Variants in EXD2 observed in about 807,000 individuals in gnomAD.
EXD2 encodes exonuclease 3'-5' domain-containing protein 2.
EXD2 carries 40 observed loss-of-function variants against 62.5 expected under a neutral mutation model. The ratio of observed to expected loss-of-function variants is 0.64; its 90% CI spans 0.50 to 0.83. The LOEUF (loss-of-function observed/expected upper bound fraction) is 0.83. EXD2 is among the 40% of genes least tolerant of loss of function. The pLI is 0.00. For synonymous variants in EXD2, 239 were observed against 291.9 expected (o/e 0.82, Z 1.85); for missense variants, 671 against 761.8 (o/e 0.88, Z 1.40).
intron 8 of EXD2, 54 bp downstream of exon 8, chr14:69,236,596 T>G: frequency 6.2e-7 from 1 of 1,612,324 alleles, no homozygotes; most frequent in Non-Finnish European, 8.5e-7. Flanking sequence ...AAATTGCTTT[T>G]GTAGCCATAT....
intron 1 of EXD2, among the ~76,000 whole-genome samples, chr14:69,201,224 T>A (rs1156628958): frequency 6.6e-6 from 1 of 152,122 alleles, no homozygotes; most frequent in South Asian, 2.1e-4. Context: ...AGTCTTACTC[T>A]GTCCCCCAGG....
At chr14:69,229,469 G>A (rs2043490541) in intron 4 of EXD2, among the ~76,000 whole-genome samples, 1 of 152,174 alleles carries the variant, frequency 6.6e-6, no homozygotes, top group African/African-American at 2.4e-5. Flanking sequence ...ACTACACTGA[G>A]TCTACAGTTC....
chr14:69,235,961 A>C lies in EXD2; in HGVS notation c.1050-85A>C, dbSNP rs1594782064. The C allele has an allele frequency of 6.2e-6, 6 of 960,014 alleles. No individual in the cohort carries two copies. In the East Asian group the frequency reaches 1.4e-4, roughly 23 times the overall value. The allele number at this position is 960,014 out of a possible 1,614,324, so 59.5% of individuals were successfully genotyped here. A position where few individuals can be genotyped will look rare whatever the true frequency, so the allele number is the denominator to read the frequency against. ...TTAGTGTTGAGAATAGTTTTGAGTC[A>C]CTCAGAAGAGAGCATGGGAAGGCAA... On this transcript the variant is annotated intron_variant, in intron 6 of 9. Coordinates refer to ENST00000685843, the MANE Select transcript of EXD2 (RefSeq NM_001193360.2).
intron 3 of EXD2, among the ~76,000 whole-genome samples, chr14:69,211,034 A>G (rs1438991104): frequency 6.6e-6 from 1 of 152,086 alleles, no homozygotes; most frequent in Non-Finnish European, 1.5e-5. Context: ...TTCCTGTGAC[A>G]GTTTCTTAAA....
At chr14:69,204,643 G>A (rs948756254) in intron 2 of EXD2, among the ~76,000 whole-genome samples, 1 of 152,104 alleles carries the variant, frequency 6.6e-6, no homozygotes, top group South Asian at 2.1e-4. Context: ...GTGAGGGATC[G>A]AAAAGCTTGG....
Position 69,241,084 on chromosome 14 carries a change from C to T in EXD2, c.1850C>T (p.Pro617Leu). 1 of 1,612,354 alleles carries T rather than the reference C, an allele frequency of 6.2e-7. No homozygotes were observed. Among genetic ancestry groups the T allele is most frequent in the Non-Finnish European group, 8.5e-7 (1 of 1,179,990 alleles). Reference sequence around the variant, plus strand: ...CTCCGGAAATTCGGGGAAGATCTTCCCATCCAGCTGTCTTGATAGCTGCTT... The same window carrying T: ...CTCCGGAAATTCGGGGAAGATCTTCTCATCCAGCTGTCTTGATAGCTGCTT... ...KLLRKFGEDL[P>L]IQLS The change falls in exon 10 of 10, where the codon CCC becomes CTC. Residue 617 changes from proline (P) to leucine (L), a missense_variant. Physicochemically the swap from Pro to Leu is moderately conservative, Grantham distance 98 (BLOSUM62 -3). Coordinates refer to ENST00000685843, the MANE Select transcript of EXD2 (RefSeq NM_001193360.2).
At chr14:69,237,214 TGA>T (rs1381490421) in intron 8 of EXD2, among the ~76,000 whole-genome samples, 1 of 152,224 alleles carries the variant, frequency 6.6e-6, no homozygotes, top group Non-Finnish European at 1.5e-5. Context: ...TAGGCCTTCT[TGA>T]GAGAGTTGTT....
chr14:69,234,400 T>C (rs2043694988), intron 5 of EXD2, among the ~76,000 whole-genome samples: 1 of 152,170 alleles, frequency 6.6e-6, no homozygotes, highest in Non-Finnish European at 1.5e-5. Flanking sequence ...AATTTGGTAG[T>C]AGATAGAAAC....
At chr14:69,217,600 T>C (rs1406092456) in intron 3 of EXD2, among the ~76,000 whole-genome samples, 7 of 152,192 alleles carry the variant, frequency 4.6e-5, no homozygotes, top group Non-Finnish European at 8.8e-5. Flanking sequence ...GCAGGTTTGT[T>C]ACATATGTAT....
chr14:69,212,187 C>A (rs1566823750), intron 3 of EXD2, among the ~76,000 whole-genome samples: 2 of 152,000 alleles, frequency 1.3e-5, no homozygotes, highest in South Asian at 4.2e-4. Flanking sequence ...ACCAGCCTGG[C>A]AAGCATGGTG....
At position 69,243,748 on chromosome 14, in the gene EXD2, A is replaced by G. The variant is rs2044039211; in HGVS notation, c.*2648A>G. 6.6e-6 allele frequency: 1 copy of G among 152,186 alleles called. No individual in the cohort carries two copies. Among genetic ancestry groups the G allele is most frequent in the South Asian group, 2.1e-4 (1 of 4,828 alleles). The allele number at this position is 152,186 out of a possible 1,614,324, so 9.4% of individuals were successfully genotyped here. On this transcript the variant is annotated 3_prime_UTR_variant, in exon 10 of 10. Coordinates refer to ENST00000685843, the MANE Select transcript of EXD2 (RefSeq NM_001193360.2). ...ATTGACATCACCTTTTAGGAATGAA[A>G]TGCTTCTCTTTGACCCTTTAGCTCC...
At chr14:69,230,931 C>T (rs112907010) in intron 5 of EXD2, among the ~76,000 whole-genome samples, 2,084 of 152,224 alleles carry the variant, frequency 0.014, 28 homozygotes, top group Middle Eastern at 0.037. Flanking sequence ...TACAGATGTG[C>T]ACCACCATGC....
intron 2 of EXD2, among the ~76,000 whole-genome samples, chr14:69,204,682 A>ACTG (rs1566818285): frequency 9.1e-4 from 138 of 152,344 alleles, no homozygotes; most frequent in African/African-American, 3.1e-3. Context: ...ACCACAGTTT[A>ACTG]ATTTTTTTCT....
At chr14:69,206,455 C>CTTTTTTTTTTTTTTTTT (rs56333403) in intron 2 of EXD2, among the ~76,000 whole-genome samples, 3 of 94,644 alleles carry the variant, frequency 3.2e-5, no homozygotes, top group Admixed American at 1.1e-4. Flanking sequence ...CACCCACCCA[C>CTTTTTTTTTTTTTTTTT]TTTTTTTTTT....
chr14:69,209,824 T>TAAAAAAAAAAAAAA (rs199733370), intron 3 of EXD2, 21 bp downstream of exon 3: 5 of 1,056,660 alleles, frequency 4.7e-6, no homozygotes, highest in African/African-American at 1.8e-5. Flanking sequence ...AAGCAAAAGT[T>TAAAAAAAAAAAAAA]AAAAAAAAAA....
rs554172470 is a variant in EXD2, at chr14:69,242,130, C to T, written c.*1030C>T. 8 of 398,276 alleles carry T rather than the reference C, an allele frequency of 2.0e-5. No individual in the cohort carries two copies. The highest frequency in any genetic ancestry group is 1.3e-4 in the South Asian group (1 of 7,760). The allele number at this position is 398,276 out of a possible 1,614,324, so 24.7% of individuals were successfully genotyped here. A position where few individuals can be genotyped will look rare whatever the true frequency, so the allele number is the denominator to read the frequency against. ...ATACATTAGATGTTCAAAAGAGGAGCGTTGTTTCATCTTTCAAAATGTTAG... is the reference window on the plus strand; with the variant it reads ...ATACATTAGATGTTCAAAAGAGGAGTGTTGTTTCATCTTTCAAAATGTTAG... On this transcript the variant is annotated 3_prime_UTR_variant, in exon 10 of 10. Coordinates refer to ENST00000685843, the MANE Select transcript of EXD2 (RefSeq NM_001193360.2).
chr14:69,231,428 C>G (rs924499799), intron 5 of EXD2, among the ~76,000 whole-genome samples: 2 of 152,216 alleles, frequency 1.3e-5, no homozygotes, highest in Non-Finnish European at 2.9e-5. Context: ...AAATACTTCT[C>G]TTCCCCATCC....
rs1390454237 is a variant in EXD2, at chr14:69,209,532, G to A, written c.62G>A (p.Gly21Glu). The change falls in exon 3 of 10, where the codon GGG (glycine) becomes GAG (glutamate). Residue 21 changes from glycine (G) to glutamate (E), a missense_variant. Coordinates refer to ENST00000685843, the MANE Select transcript of EXD2 (RefSeq NM_001193360.2). ...ACCCTTCTGGGTGTGGCTGTAGGGG[G>A]GTTTGTCCTCTGGAAAGGCATCCAG... The part of the protein sequence containing the change: ...VTTLLGVAVG[G>E]FVLWKGIQRR... The A allele has an allele frequency of 2.6e-6, 4 of 1,550,582 alleles. No homozygotes were observed. The highest frequency in any genetic ancestry group is 2.6e-6 in the Non-Finnish European group (3 of 1,146,980).
intron 3 of EXD2, among the ~76,000 whole-genome samples, chr14:69,214,576 A>G (rs1217415675): frequency 6.6e-6 from 1 of 152,196 alleles, no homozygotes; most frequent in Non-Finnish European, 1.5e-5. Flanking sequence ...TGATTTATGT[A>G]AAGAGAACAG....
Sources: gnomAD v4.1 joint callset for allele counts (sites outside exome capture counted in the v4.1 genomes callset) on GRCh38, gnomAD v4.1.1 for gene constraint, MANE v1.5 for transcripts, NCBI Gene and HGNC (gene_info 2026-07-23, HGNC 2026-07-21) for gene names.